PLXDC2: variants seen among roughly 807,000 people sequenced by gnomAD.
The protein encoded by PLXDC2 is plexin domain-containing protein 2.
A neutral mutation model predicts 68.9 loss-of-function variants in PLXDC2; 40 were observed. The ratio of observed to expected loss-of-function variants is 0.58; its 90% CI spans 0.45 to 0.76. The LOEUF is 0.76. Ranked by LOEUF, PLXDC2 falls within the 30% of genes least tolerant of loss-of-function variation. The pLI is 0.00. For missense variants in PLXDC2, 644 were observed against 661.9 expected (o/e 0.97, Z 0.30); for synonymous variants, 243 against 234.2 (o/e 1.04, Z -0.34).
At position 20,286,952 on chromosome 10, in the gene PLXDC2, G is replaced by C. The variant is rs981856455; in HGVS notation, c.*7133G>C. On this transcript the variant is annotated 3_prime_UTR_variant, in exon 14 of 14. Coordinates refer to ENST00000377252, the MANE Select transcript of PLXDC2 (RefSeq NM_032812.9). ...CTGGTCAGGCTGGTCCCCAGCTCCC[G>C]ACCTCAGGTGATCCGCCCACCTCCG... 1 of 152,274 alleles carries C rather than the reference G, an allele frequency of 6.6e-6. No homozygotes were observed. Among genetic ancestry groups the C allele is most frequent in the Non-Finnish European group, 1.5e-5 (1 of 68,128 alleles). 9.4% of individuals were successfully genotyped at this position (152,274 alleles called of 1,614,324 possible).
At chr10:20,073,469 T>A (rs984939496) in intron 4 of PLXDC2, among the ~76,000 whole-genome samples, 18 of 152,348 alleles carry the variant, frequency 1.2e-4, no homozygotes, top group African/African-American at 4.3e-4. Flanking sequence ...CGAATAAGCT[T>A]AAGTTTCTAG....
chr10:20,204,409 C>T (rs1410956094), intron 9 of PLXDC2, among the ~76,000 whole-genome samples: 1 of 152,064 alleles, frequency 6.6e-6, no homozygotes, highest in African/African-American at 2.4e-5. Flanking sequence ...ATTTAAAATA[C>T]TGATGCTTCT....
chr10:19,967,229 A>G (rs932361288), intron 1 of PLXDC2, among the ~76,000 whole-genome samples: 2 of 152,210 alleles, frequency 1.3e-5, no homozygotes, highest in African/African-American at 4.8e-5. Context: ...TTGTTTAGCA[A>G]AAAATAGTAA....
intron 1 of PLXDC2, among the ~76,000 whole-genome samples, chr10:19,988,342 T>A (rs1234773696): frequency 6.6e-6 from 1 of 152,220 alleles, no homozygotes; most frequent in Non-Finnish European, 1.5e-5. Flanking sequence ...TTTTGTGCTA[T>A]AGTTCATACT....
intron 1 of PLXDC2, among the ~76,000 whole-genome samples, chr10:19,836,836 G>A (rs147748531): frequency 1.9e-3 from 292 of 152,252 alleles, no homozygotes; most frequent in African/African-American, 6.5e-3. Context: ...AAAGAATGTT[G>A]TTTTTCCTCA....
intron 2 of PLXDC2, among the ~76,000 whole-genome samples, chr10:20,031,294 C>A (rs996259746): frequency 3.3e-5 from 5 of 151,866 alleles, no homozygotes; most frequent in Non-Finnish European, 7.4e-5. Context: ...CTCCTGAGCC[C>A]ATGAGGGCCA....
intron 3 of PLXDC2, among the ~76,000 whole-genome samples, chr10:20,056,995 T>C (rs1213536223): frequency 6.6e-6 from 1 of 152,142 alleles, no homozygotes; most frequent in Non-Finnish European, 1.5e-5. Flanking sequence ...CTGAACCATG[T>C]CTCAGGTGCA....
chr10:19,927,778 A>C (rs911706801), intron 1 of PLXDC2, among the ~76,000 whole-genome samples: 1 of 151,354 alleles, frequency 6.6e-6, no homozygotes, highest in African/African-American at 2.4e-5. Flanking sequence ...TCCTTGAAAA[A>C]TGAGAAGTTC....
chr10:19,982,372 C>T (rs1834565144), intron 1 of PLXDC2, among the ~76,000 whole-genome samples: 1 of 152,190 alleles, frequency 6.6e-6, no homozygotes, highest in Non-Finnish European at 1.5e-5. Flanking sequence ...TCTAGTATTG[C>T]AGTATCCTCC....
chr10:20,271,929 T>C (rs971355716), intron 13 of PLXDC2, among the ~76,000 whole-genome samples: 2 of 152,224 alleles, frequency 1.3e-5, no homozygotes, highest in South Asian at 2.1e-4. Context: ...TATATTATTT[T>C]CCCTATAAAT....
At chr10:20,014,838 C>T (rs1196192318) in intron 2 of PLXDC2, among the ~76,000 whole-genome samples, 1 of 152,088 alleles carries the variant, frequency 6.6e-6, no homozygotes, top group Non-Finnish European at 1.5e-5. Flanking sequence ...AAAGAAAAAA[C>T]TCTATTTTTA....
intron 4 of PLXDC2, among the ~76,000 whole-genome samples, chr10:20,111,631 A>T (rs1275452602): frequency 6.6e-6 from 1 of 152,192 alleles, no homozygotes; most frequent in Non-Finnish European, 1.5e-5. Flanking sequence ...TGCAGGAAAG[A>T]CATGTTTACT....
At chr10:19,885,344 G>A (rs1442406240) in intron 1 of PLXDC2, among the ~76,000 whole-genome samples, 2 of 150,620 alleles carry the variant, frequency 1.3e-5, no homozygotes, top group African/African-American at 2.4e-5. Context: ...CTGTGCAGAA[G>A]CTCTTTAGTT....
intron 1 of PLXDC2, among the ~76,000 whole-genome samples, chr10:19,999,643 T>C (rs1243685310): frequency 6.6e-6 from 1 of 152,180 alleles, no homozygotes; most frequent in South Asian, 2.1e-4. Context: ...TAAGAGCTAC[T>C]ATAGCAAGTG....
At chr10:19,831,676 A>G (rs188720087) in intron 1 of PLXDC2, among the ~76,000 whole-genome samples, 75 of 152,316 alleles carry the variant, frequency 4.9e-4, no homozygotes, top group Admixed American at 2.2e-3. Flanking sequence ...AAGTAAGAAC[A>G]TGTGATATTT....
intron 9 of PLXDC2, among the ~76,000 whole-genome samples, chr10:20,203,141 A>T (rs951672795): frequency 6.6e-6 from 1 of 152,226 alleles, no homozygotes; most frequent in African/African-American, 2.4e-5. Context: ...AAGAGGTGAC[A>T]TTCACAGGAA....
chr10:20,067,807 T>G (rs751962782), intron 3 of PLXDC2, among the ~76,000 whole-genome samples: 1 of 152,170 alleles, frequency 6.6e-6, no homozygotes, highest in Non-Finnish European at 1.5e-5. Context: ...TAATGTAACA[T>G]AAAATCTATT....
intron 6 of PLXDC2, among the ~76,000 whole-genome samples, chr10:20,149,048 G>T (rs1834115731): frequency 6.6e-6 from 1 of 151,892 alleles, no homozygotes; most frequent in Admixed American, 6.6e-5. Flanking sequence ...CTTACTCTAT[G>T]TTTCTTTGTC....
chr10:19,861,785 C>A lies in PLXDC2; in HGVS notation c.112+44594C>A, dbSNP rs146839491. On this transcript the variant is annotated intron_variant, in intron 1 of 13. Transcript: ENST00000377252. Reference sequence around the variant, plus strand: ...TAGAGTTGGAGCACATCTTTTATAACCCTCTGAATGCTAAGATAATTGGCT... The same window carrying A: ...TAGAGTTGGAGCACATCTTTTATAAACCTCTGAATGCTAAGATAATTGGCT... Among the ~76,000 whole-genome samples, 553 of 152,272 alleles carry A rather than the reference C, an allele frequency of 3.6e-3. 6 individuals are homozygous for A. Among genetic ancestry groups the A allele is most frequent in the African/African-American group, 0.013 (524 of 41,546 alleles).
Sources: gnomAD v4.1 joint callset for allele counts (sites outside exome capture counted in the v4.1 genomes callset) on GRCh38, gnomAD v4.1.1 for gene constraint, MANE v1.5 for transcripts, NCBI Gene and HGNC (gene_info 2026-07-23, HGNC 2026-07-21) for gene names.